ESRRG: variants seen among roughly 807,000 people sequenced by gnomAD.
ESRRG encodes the protein estrogen-related receptor gamma.
Under a neutral mutation model 44.0 loss-of-function variants are expected in ESRRG, and 13 were observed. The observed-to-expected ratio is 0.30, with a 90% CI of 0.19 to 0.47. The LOEUF (loss-of-function observed/expected upper bound fraction) is 0.47. Ranked by LOEUF, ESRRG falls within the 20% of genes least tolerant of loss-of-function variation. The pLI is 1.00. For synonymous variants in ESRRG, 215 were observed against 214.6 expected, an observed-to-expected ratio of 1.00 and a Z score of -0.02; for missense variants, 395 against 580.6, an observed-to-expected ratio of 0.68 and a Z score of 3.29.
intron 3 of ESRRG, among the ~76,000 whole-genome samples, chr1:216,640,700 A>G (rs1558971148): frequency 6.6e-6 from 1 of 152,274 alleles, no homozygotes; most frequent in East Asian, 1.9e-4. Context: ...GGCCCAAATG[A>G]AATACAACCA....
chr1:216,744,343 G>A (rs1383154187), intron 2 of ESRRG, among the ~76,000 whole-genome samples: 8 of 152,162 alleles, frequency 5.3e-5, no homozygotes, highest in Admixed American at 5.2e-4. Context: ...TTTACACACA[G>A]GAGAAATGCA....
intron 1 of ESRRG, among the ~76,000 whole-genome samples, chr1:216,690,749 C>G (rs1241438841): frequency 6.6e-6 from 1 of 152,128 alleles, no homozygotes; most frequent in Non-Finnish European, 1.5e-5. Context: ...CTACTTCTAC[C>G]TCTCATTTAC....
intron 1 of ESRRG, among the ~76,000 whole-genome samples, chr1:217,137,138 A>C (rs78705550): frequency 0.03 from 4,567 of 152,242 alleles, 97 homozygotes; most frequent in African/African-American, 0.037. Context: ...GCCAGCAGCC[A>C]GTACACTACA....
At chr1:216,651,156 G>A (rs2068843250) in intron 2 of ESRRG, 67 bp from the exon 3 acceptor site, 5 of 1,006,266 alleles carry the variant, frequency 5.0e-6, no homozygotes, top group Admixed American at 3.4e-5. Flanking sequence ...CTTCCCAAAG[G>A]CAATGTCAAC....
intron 2 of ESRRG, among the ~76,000 whole-genome samples, chr1:216,803,724 C>T (rs984920374): frequency 6.6e-6 from 1 of 152,076 alleles, no homozygotes; most frequent in Non-Finnish European, 1.5e-5. Context: ...TGATTAATAG[C>T]TCTGCCAGCC....
chr1:217,007,448 C>T (rs547190251), intron 1 of ESRRG, among the ~76,000 whole-genome samples: 1 of 152,274 alleles, frequency 6.6e-6, no homozygotes, highest in South Asian at 2.1e-4. Context: ...CTTTGAAACA[C>T]TGTTATGGTG....
chr1:216,791,939 C>T (rs938178819), intron 2 of ESRRG, among the ~76,000 whole-genome samples: 3 of 151,934 alleles, frequency 2.0e-5, no homozygotes, highest in Non-Finnish European at 4.4e-5. Context: ...TTCTTTTCCA[C>T]AAAAATTACA....
chr1:216,673,053 G>A (rs932613127), intron 2 of ESRRG, among the ~76,000 whole-genome samples: 4 of 152,130 alleles, frequency 2.6e-5, no homozygotes, highest in Non-Finnish European at 5.9e-5. Flanking sequence ...GTTGTCAAGG[G>A]GAGTTACATA....
upstream of ESRRG, among the ~76,000 whole-genome samples, chr1:217,090,110 T>G (rs971083607): frequency 6.6e-6 from 1 of 152,220 alleles, no homozygotes; most frequent in Non-Finnish European, 1.5e-5. Flanking sequence ...TGGGTGTGTA[T>G]ATATGTGTGC....
chr1:216,796,438 A>C (rs76596960), intron 2 of ESRRG, among the ~76,000 whole-genome samples: 3 of 152,166 alleles, frequency 2.0e-5, no homozygotes, highest in African/African-American at 7.2e-5. Context: ...GCTCCCTAGA[A>C]GATCACCCTG....
intron 2 of ESRRG, among the ~76,000 whole-genome samples, chr1:216,821,713 T>C (rs200508447): frequency 9.7e-6 from 1 of 102,952 alleles, no homozygotes; most frequent in African/African-American, 3.0e-5. Flanking sequence ...AATAAATAAA[T>C]AAATAAATAA....
intron 2 of ESRRG, among the ~76,000 whole-genome samples, chr1:216,773,288 A>G (rs1298506200): frequency 6.6e-6 from 1 of 152,130 alleles, no homozygotes; most frequent in East Asian, 1.9e-4. Flanking sequence ...GAATTCATGC[A>G]TTTTGCACAC....
intron 1 of ESRRG, among the ~76,000 whole-genome samples, chr1:217,049,711 C>T (rs927212521): frequency 2.2e-4 from 34 of 152,304 alleles, no homozygotes; most frequent in African/African-American, 6.7e-4. Context: ...CCCATGGTTG[C>T]GGCCTGAGCT....
At chr1:217,060,046 T>C (rs141335471) in intron 1 of ESRRG, among the ~76,000 whole-genome samples, 1 of 152,136 alleles carries the variant, frequency 6.6e-6, no homozygotes, top group African/African-American at 2.4e-5. Flanking sequence ...GTAAAGCACA[T>C]GAAGGGGTTT....
At chr1:217,091,197 C>T (rs547281039), upstream of ESRRG, among the ~76,000 whole-genome samples, 2 of 152,278 alleles carry the variant, frequency 1.3e-5, no homozygotes, top group East Asian at 3.9e-4. Flanking sequence ...TTCACCGAGC[C>T]TGTAGTTGGC....
intron 5 of ESRRG, among the ~76,000 whole-genome samples, chr1:216,521,648 T>C (rs1572184081): frequency 3.9e-5 from 6 of 152,266 alleles, no homozygotes; most frequent in Admixed American, 3.9e-4. Flanking sequence ...GTAAATAGAT[T>C]TACACATTCT....
chr1:216,656,283 A>T lies in ESRRG; in HGVS notation c.473-5194T>A, dbSNP rs1437237926. On this transcript the variant is annotated intron_variant, in intron 2 of 6. Transcript: ENST00000408911. ...GAATTGGGCAGCTACTGATGACACA[A>T]CTGGAATTTTCCCAGTTTTGTCAAT... Among the ~76,000 whole-genome samples the T allele has an allele frequency of 7.9e-5, 12 of 152,152 alleles. No individual in the cohort carries two copies. The East Asian group carries it at 2.1e-3, about 27-fold the overall frequency.
At chr1:216,974,802 G>A (rs2072506474) in intron 1 of ESRRG, among the ~76,000 whole-genome samples, 1 of 151,654 alleles carries the variant, frequency 6.6e-6, no homozygotes, top group East Asian at 1.9e-4. Context: ...CCCACCCCCA[G>A]ACTTTTCTCT....
chr1:216,715,294 C>T (rs1003510087), intron 1 of ESRRG: 37 of 930,300 alleles, frequency 4.0e-5, no homozygotes, highest in Non-Finnish European at 4.5e-5. Context: ...GGACCCAGCA[C>T]CAACTGTATA....
Sources: gnomAD v4.1 joint callset for allele counts (sites outside exome capture counted in the v4.1 genomes callset) on GRCh38, gnomAD v4.1.1 for gene constraint, MANE v1.5 for transcripts, NCBI Gene and HGNC (gene_info 2026-07-23, HGNC 2026-07-21) for gene names.